The following PRKG1 variants were observed in gnomAD, a reference collection of about 807,000 sequenced individuals.
PRKG1 encodes cGMP-dependent protein kinase 1.
Under a neutral mutation model 88.1 loss-of-function variants are expected in PRKG1, and 35 were observed. The observed-to-expected ratio is 0.40, with a 90% confidence interval of 0.30 to 0.53. The LOEUF is 0.53. Ranked by LOEUF, PRKG1 falls within the 20% of genes least tolerant of loss-of-function variation. The pLI, the probability that PRKG1 is intolerant of heterozygous loss-of-function variation, is 0.59. For missense variants in PRKG1, 540 were observed against 839.8 expected (o/e 0.64, Z 4.41); for synonymous variants, 303 against 292.5 (o/e 1.04, Z -0.37).
At chr10:51,743,940 A>G (rs2132496558) in intron 3 of PRKG1, among the ~76,000 whole-genome samples, 1 of 151,270 alleles carries the variant, frequency 6.6e-6, no homozygotes, top group Middle Eastern at 3.4e-3. Flanking sequence ...TGATTGGCTA[A>G]AAGCGACTTC....
intron 4 of PRKG1, among the ~76,000 whole-genome samples, chr10:51,880,052 C>T (rs145446130): frequency 1.1e-4 from 17 of 152,274 alleles, no homozygotes; most frequent in East Asian, 1.9e-4. Context: ...TGCTTCTGGA[C>T]GTATTTTCTC....
intron 2 of PRKG1, among the ~76,000 whole-genome samples, chr10:51,312,493 A>G (rs1841214193): frequency 6.6e-6 from 1 of 152,182 alleles, no homozygotes; most frequent in South Asian, 2.1e-4. Flanking sequence ...AATGATCATT[A>G]TATGAAGACT....
intron 3 of PRKG1, among the ~76,000 whole-genome samples, chr10:51,727,869 C>T (rs1842174115): frequency 6.6e-6 from 1 of 152,022 alleles, no homozygotes; most frequent in African/African-American, 2.4e-5. Context: ...GATACAGTGG[C>T]CCAATTTGAA....
intron 3 of PRKG1, among the ~76,000 whole-genome samples, chr10:51,506,250 G>A (rs548270297): frequency 1.3e-5 from 2 of 152,234 alleles, no homozygotes; most frequent in African/African-American, 2.4e-5. Flanking sequence ...CATGGGCAAG[G>A]ACTTCATGTC....
Position 52,156,596 on chromosome 10 carries a change from A to G in PRKG1, c.1002-5293A>G, listed in dbSNP as rs185340635. Among the ~76,000 whole-genome samples, 512 of 151,852 alleles carry G rather than the reference A, an allele frequency of 3.4e-3. 2 individuals are homozygous for G. Among genetic ancestry groups the G allele is most frequent in the African/African-American group, 0.012 (483 of 41,512 alleles). ...GGCTGGTTTTATTTTATTTGGGGGTAATTTTTTCTCCAAGGAAACATATAT... is the reference window on the plus strand; with the variant it reads ...GGCTGGTTTTATTTTATTTGGGGGTGATTTTTTCTCCAAGGAAACATATAT... On this transcript the variant is annotated intron_variant, in intron 8 of 17. Transcript: ENST00000373980.
At chr10:51,968,133 T>A (rs961711771) in intron 5 of PRKG1, among the ~76,000 whole-genome samples, 3 of 152,182 alleles carry the variant, frequency 2.0e-5, no homozygotes, top group African/African-American at 7.2e-5. Context: ...TGGATCAGCC[T>A]CTGGGAACTT....
intron 3 of PRKG1, among the ~76,000 whole-genome samples, chr10:51,645,577 T>C (rs1839897493): frequency 6.6e-6 from 1 of 152,210 alleles, no homozygotes; most frequent in Admixed American, 6.5e-5. Flanking sequence ...TCTTAATTTT[T>C]TGGAGTCTGA....
At chr10:52,004,409 T>C (rs1844677995) in intron 5 of PRKG1, among the ~76,000 whole-genome samples, 1 of 152,160 alleles carries the variant, frequency 6.6e-6, no homozygotes, top group Admixed American at 6.5e-5. Context: ...ATAAAGATGA[T>C]AAGACAACAC....
chr10:51,062,637 T>G (rs1212577736), intron 1 of PRKG1: 1 of 152,136 alleles, frequency 6.6e-6, no homozygotes, highest in Non-Finnish European at 1.5e-5. Context: ...TTTCTATTTT[T>G]TTGAGATGGA....
At chr10:52,132,554 A>G (rs1564482934) in intron 7 of PRKG1, among the ~76,000 whole-genome samples, 2 of 152,108 alleles carry the variant, frequency 1.3e-5, no homozygotes, top group African/African-American at 4.8e-5. Flanking sequence ...GTGTTTCAAA[A>G]GTATAAAAAG....
At chr10:51,042,257 T>G (rs1423472477) in intron 1 of PRKG1, among the ~76,000 whole-genome samples, 1 of 152,226 alleles carries the variant, frequency 6.6e-6, no homozygotes, top group East Asian at 1.9e-4. Context: ...AAGAAAATGC[T>G]TTCACGCAGT....
intron 3 of PRKG1, among the ~76,000 whole-genome samples, chr10:51,628,296 G>A (rs1227044687): frequency 2.0e-5 from 3 of 151,204 alleles, no homozygotes; most frequent in Non-Finnish European, 4.4e-5. Context: ...CTGAGTAGCT[G>A]GGACCACAGG....
At chr10:51,106,612 T>G (rs1844841138) in intron 1 of PRKG1, among the ~76,000 whole-genome samples, 1 of 152,138 alleles carries the variant, frequency 6.6e-6, no homozygotes, top group Non-Finnish European at 1.5e-5. Context: ...CAGAGACAGA[T>G]AAAGTCCCAC....
chr10:51,885,922 A>T (rs1358476183), intron 4 of PRKG1, among the ~76,000 whole-genome samples: 1 of 152,232 alleles, frequency 6.6e-6, no homozygotes, highest in East Asian at 1.9e-4. Context: ...GCTGGAAGGT[A>T]TGAAATACAT....
intron 2 of PRKG1, among the ~76,000 whole-genome samples, chr10:51,201,774 G>A (rs1307631921): frequency 1.3e-5 from 2 of 152,146 alleles, no homozygotes; most frequent in African/African-American, 4.8e-5. Context: ...ACCTGCAAGA[G>A]TCCTCACCAG....
intron 1 of PRKG1, among the ~76,000 whole-genome samples, chr10:51,062,034 G>T (rs1843697621): frequency 6.6e-6 from 1 of 152,168 alleles, no homozygotes; most frequent in Non-Finnish European, 1.5e-5. Flanking sequence ...CAACATAGGT[G>T]TGAAAAATTG....
At chr10:52,244,062 T>C (rs1365160006) in intron 9 of PRKG1, among the ~76,000 whole-genome samples, 1 of 152,110 alleles carries the variant, frequency 6.6e-6, no homozygotes, top group African/African-American at 2.4e-5. Flanking sequence ...TCAGATTCAT[T>C]AAATTACTTT....
intron 10 of PRKG1, among the ~76,000 whole-genome samples, chr10:52,262,077 TC>T (rs1841445320): frequency 6.6e-6 from 1 of 152,108 alleles, no homozygotes; most frequent in Admixed American, 6.6e-5. Context: ...CTGTATTCAT[TC>T]AGTTGATTGG....
At chr10:51,821,178 T>A (rs1421599991) in intron 4 of PRKG1, among the ~76,000 whole-genome samples, 1 of 152,172 alleles carries the variant, frequency 6.6e-6, no homozygotes, top group Non-Finnish European at 1.5e-5. Context: ...GCTGTGTGTA[T>A]CAAAAGTTTA....
Sources: allele counts gnomAD v4.1 joint callset (sites outside exome capture counted in the v4.1 genomes callset), GRCh38; gene constraint gnomAD v4.1.1; transcripts MANE v1.5; gene names NCBI Gene and HGNC (gene_info 2026-07-23, HGNC 2026-07-21).